The following CADPS2 variants were observed in gnomAD, a reference collection of about 807,000 sequenced individuals.
The protein encoded by CADPS2 is calcium dependent secretion activator 2, also known as calcium-dependent secretion activator 2.
A neutral mutation model predicts 172.5 loss-of-function variants in CADPS2; 93 were observed. The observed-to-expected ratio is 0.54, with a 90% CI of 0.46 to 0.64. The LOEUF (loss-of-function observed/expected upper bound fraction) is 0.64. Among genes scored for constraint, CADPS2 ranks in the 30% least tolerant of loss-of-function variants. The pLI, the probability that CADPS2 is intolerant of heterozygous loss-of-function variation, is 0.00. For synonymous variants in CADPS2, 546 were observed against 555.2 expected (o/e 0.98, Z 0.23); for missense variants, 1,420 against 1,565.9 (o/e 0.91, Z 1.57).
intron 8 of CADPS2, among the ~76,000 whole-genome samples, chr7:122,538,393 C>A (rs1403233470): frequency 1.5e-5 from 2 of 130,454 alleles, no homozygotes; most frequent in Non-Finnish European, 1.6e-5. Context: ...CAAGGAGAAG[C>A]TTAATTAGTT....
rs375874525 is a variant in CADPS2, at chr7:122,471,554, A to G, written c.2007T>C (p.Phe669=). ...LNDSYSCLGW[F]SPGQVFVLDE... is the part of the protein sequence containing the mutation. ...CTAACACAAAGACTTGGCCAGGGCT[A>G]AACCATCCCTGCAAAATAAAAAAAG... Residue 669 remains phenylalanine, a synonymous_variant, in exon 14 of 30, where the codon TTT becomes TTC. Transcript: ENST00000449022. The G allele has an allele frequency of 6.5e-5, 104 of 1,588,294 alleles. No homozygotes were observed. The African/African-American group carries it at 1.3e-3, about 20-fold the overall frequency.
At chr7:122,764,256 A>C (rs377449791) in intron 1 of CADPS2, among the ~76,000 whole-genome samples, 1 of 152,182 alleles carries the variant, frequency 6.6e-6, no homozygotes, top group South Asian at 2.1e-4. Context: ...TATCCCTGTC[A>C]CAGAAGAGCA....
At chr7:122,841,203 C>T (rs1329166564) in intron 1 of CADPS2, among the ~76,000 whole-genome samples, 2 of 152,162 alleles carry the variant, frequency 1.3e-5, no homozygotes, top group East Asian at 3.9e-4. Context: ...AAAACTTAAT[C>T]TCAAAGAATA....
chr7:122,882,367 C>G (rs2141782094), intron 1 of CADPS2, among the ~76,000 whole-genome samples: 1 of 152,180 alleles, frequency 6.6e-6, no homozygotes, highest in South Asian at 2.1e-4. Flanking sequence ...TTAGTAGGTT[C>G]TATTTTAATA....
intron 28 of CADPS2, among the ~76,000 whole-genome samples, chr7:122,341,105 CTG>C (rs1417603048): frequency 6.6e-6 from 1 of 152,162 alleles, no homozygotes; most frequent in East Asian, 1.9e-4. Flanking sequence ...GCTGGAAACA[CTG>C]AGTCTGAATA....
At chr7:122,503,179 G>A (rs1258340682) in intron 9 of CADPS2, among the ~76,000 whole-genome samples, 5 of 151,846 alleles carry the variant, frequency 3.3e-5, no homozygotes, top group African/African-American at 7.3e-5. Context: ...TTACAGGCAC[G>A]TGCCACCACA....
At chr7:122,609,997 C>T (rs1469846752) in intron 6 of CADPS2, among the ~76,000 whole-genome samples, 1 of 152,046 alleles carries the variant, frequency 6.6e-6, no homozygotes, top group Non-Finnish European at 1.5e-5. Flanking sequence ...CATGAGATAC[C>T]TTTTTAAGGT....
At chr7:122,590,880 G>A (rs1379783751) in intron 6 of CADPS2, among the ~76,000 whole-genome samples, 2 of 151,664 alleles carry the variant, frequency 1.3e-5, no homozygotes, top group African/African-American at 4.8e-5. Flanking sequence ...AATTTATACA[G>A]CAAGTTTTAA....
At chr7:122,573,676 C>T (rs1265051195) in intron 7 of CADPS2, among the ~76,000 whole-genome samples, 1 of 151,984 alleles carries the variant, frequency 6.6e-6, no homozygotes, top group African/African-American at 2.4e-5. Context: ...TCAAGAATAC[C>T]ATTCAACAAA....
intron 3 of CADPS2, among the ~76,000 whole-genome samples, chr7:122,633,832 G>C (rs952987820): frequency 1.8e-4 from 27 of 152,108 alleles, no homozygotes; most frequent in African/African-American, 6.0e-4. Context: ...CTGTGAGTTT[G>C]TCATAGATGG....
intron 1 of CADPS2, among the ~76,000 whole-genome samples, chr7:122,813,479 A>G (rs1800554945): frequency 6.6e-6 from 1 of 152,122 alleles, no homozygotes; most frequent in Non-Finnish European, 1.5e-5. Context: ...ATTACCATCA[A>G]CGGAGTGTTT....
At chr7:122,482,634 G>C (rs555265910) in intron 11 of CADPS2, among the ~76,000 whole-genome samples, 2 of 152,236 alleles carry the variant, frequency 1.3e-5, no homozygotes, top group Admixed American at 6.5e-5. Context: ...ATTCCTGAGG[G>C]ACGGGAAACA....
intron 11 of CADPS2, among the ~76,000 whole-genome samples, chr7:122,482,556 C>T (rs1350162136): frequency 6.6e-6 from 1 of 152,042 alleles, no homozygotes; most frequent in Non-Finnish European, 1.5e-5. Context: ...ACTTAACCTC[C>T]TACCTGAATT....
chr7:122,619,174 TAAG>T lies in CADPS2; in HGVS notation c.1104+2304_1104+2306del, dbSNP rs748391825. 1.2e-3 allele frequency among the ~76,000 whole-genome samples: 179 copies of T among 152,190 alleles called. 2 individuals are homozygous for T. The highest frequency in any genetic ancestry group is 1.4e-3 in the Admixed American group (21 of 15,288). On this transcript the variant is annotated intron_variant, in intron 5 of 29. Coordinates refer to ENST00000449022, the MANE Select transcript of CADPS2 (RefSeq NM_017954.11). ...TTTTCAACAGGCAAAATATAATTCATAAGAAGTTAATTATTACAATTGTTTAAG... is the reference window on the plus strand; with the variant it reads ...TTTTCAACAGGCAAAATATAATTCATAAGTTAATTATTACAATTGTTTAAG...
chr7:122,645,502 G>GTATATATATACTTATATATATATAAGTA (rs1324734946), intron 3 of CADPS2, among the ~76,000 whole-genome samples: 5 of 101,738 alleles, frequency 4.9e-5, no homozygotes, highest in African/African-American at 1.3e-4. Flanking sequence ...ATATATATAA[G>GTATATATATACTTATATATATATAAGTA]TATATATATA....
chr7:122,615,390 T>A, intron 5 of CADPS2, 91 bp from the exon 6 acceptor site: 1 of 792,252 alleles, frequency 1.3e-6, no homozygotes. Context: ...TAAGGAAGAT[T>A]GACAAAACTG....
chr7:122,628,627 G>A (rs1197548698), intron 4 of CADPS2, among the ~76,000 whole-genome samples: 1 of 150,846 alleles, frequency 6.6e-6, no homozygotes, highest in Non-Finnish European at 1.5e-5. Context: ...TTAGACAATT[G>A]GGTTCCATTC....
At chr7:122,444,440 C>T (rs141038725) in intron 15 of CADPS2, among the ~76,000 whole-genome samples, 34 of 152,204 alleles carry the variant, frequency 2.2e-4, no homozygotes, top group African/African-American at 7.7e-4. Context: ...TATAAGAGTT[C>T]CAGTTTCTCC....
Position 122,515,391 on chromosome 7 carries a change from T to C in CADPS2, c.1476-2076A>G, listed in dbSNP as rs1196320911. On this transcript the variant is annotated intron_variant, in intron 8 of 29. Transcript: ENST00000449022. ...CAGGTATTTAGTTGCTCTCTTTCTG[T>C]CTTTCTCTGCAATTTCCTGTTTTGA... Among the ~76,000 whole-genome samples, 4 of 152,164 alleles carry C rather than the reference T, an allele frequency of 2.6e-5. No individual in the cohort carries two copies. In the East Asian group the frequency reaches 7.7e-4, roughly 29 times the overall value.
Sources: allele counts gnomAD v4.1 joint callset (sites outside exome capture counted in the v4.1 genomes callset), GRCh38; gene constraint gnomAD v4.1.1; transcripts MANE v1.5; gene names NCBI Gene and HGNC (gene_info 2026-07-23, HGNC 2026-07-21).